Variants in KCNQ5 observed in about 807,000 individuals in gnomAD.
KCNQ5 encodes potassium voltage-gated channel subfamily KQT member 5.
A neutral mutation model predicts 98.2 loss-of-function variants in KCNQ5; 30 were observed. That is an observed-to-expected ratio of 0.31 (90% CI 0.23 to 0.41). The LOEUF is 0.41. KCNQ5 is among the 10% of genes least tolerant of loss of function. The probability of loss-of-function intolerance (pLI) is 1.00; values close to 1 mark genes in which losing one functional copy is unlikely to be tolerated. For synonymous variants in KCNQ5, 458 were observed against 449.4 expected, an observed-to-expected ratio of 1.02 and a Z score of -0.24; for missense variants, 835 against 1,182.5, an observed-to-expected ratio of 0.71 and a Z score of 4.31.
chr6:73,103,038 A>T (rs958088862), intron 5 of KCNQ5, among the ~76,000 whole-genome samples: 4 of 152,196 alleles, frequency 2.6e-5, no homozygotes, highest in African/African-American at 7.2e-5. Flanking sequence ...AATGGCCAAG[A>T]TTTGGAAGTA....
At chr6:73,007,257 C>G (rs1227453303) in intron 2 of KCNQ5, among the ~76,000 whole-genome samples, 1 of 152,126 alleles carries the variant, frequency 6.6e-6, no homozygotes, top group African/African-American at 2.4e-5. Context: ...AACCAGGTTC[C>G]TTATTTCTCT....
chr6:73,101,739 G>C (rs1176514103), intron 5 of KCNQ5, among the ~76,000 whole-genome samples: 2 of 152,038 alleles, frequency 1.3e-5, no homozygotes, highest in Admixed American at 6.6e-5. Context: ...ACTGATGAAA[G>C]ATATTAAAGA....
chr6:73,108,062 T>C (rs1370049384), intron 6 of KCNQ5, among the ~76,000 whole-genome samples: 5 of 152,156 alleles, frequency 3.3e-5, no homozygotes, highest in Non-Finnish European at 7.3e-5. Context: ...CTATGTAGGG[T>C]TCCTCCCACC....
chr6:72,794,462 C>G (rs1400522612), intron 1 of KCNQ5, among the ~76,000 whole-genome samples: 1 of 151,922 alleles, frequency 6.6e-6, no homozygotes. Context: ...ACTAATACTT[C>G]TTTGTTGGCT....
chr6:72,819,082 G>C (rs1351930516), intron 1 of KCNQ5, among the ~76,000 whole-genome samples: 1 of 151,818 alleles, frequency 6.6e-6, no homozygotes, highest in Non-Finnish European at 1.5e-5. Context: ...ACTAGATGTA[G>C]GGAATTAATG....
intron 7 of KCNQ5, among the ~76,000 whole-genome samples, chr6:73,112,409 G>C (rs1273983733): frequency 1.3e-5 from 2 of 151,202 alleles, no homozygotes; most frequent in Non-Finnish European, 2.9e-5. Flanking sequence ...GCAGTGGTGC[G>C]ATCTCGGCTC....
chr6:72,763,749 A>G (rs1481350882), intron 1 of KCNQ5, among the ~76,000 whole-genome samples: 1 of 152,046 alleles, frequency 6.6e-6, no homozygotes, highest in Non-Finnish European at 1.5e-5. Flanking sequence ...AAGCCTAAAG[A>G]GGAAGACACA....
chr6:73,189,995 CA>C (rs56943530), intron 11 of KCNQ5, among the ~76,000 whole-genome samples: 10,723 of 113,084 alleles, frequency 0.095, 468 homozygotes, highest in African/African-American at 0.16. Flanking sequence ...GACCTCATCT[CA>C]AAAAAAAAAA....
intron 1 of KCNQ5, among the ~76,000 whole-genome samples, chr6:72,776,015 T>G (rs924641257): frequency 6.6e-6 from 1 of 152,222 alleles, no homozygotes; most frequent in African/African-American, 2.4e-5. Flanking sequence ...TCATTAATTA[T>G]GACACAGGTA....
intron 6 of KCNQ5, among the ~76,000 whole-genome samples, chr6:73,107,043 T>G (rs927485830): frequency 1.3e-5 from 2 of 152,142 alleles, no homozygotes; most frequent in Non-Finnish European, 2.9e-5. Context: ...AGAGAAGAGA[T>G]TCACTCAATA....
intron 1 of KCNQ5, among the ~76,000 whole-genome samples, chr6:72,922,810 C>CTTTTTTTTTTTTT (rs369263359): frequency 1.4e-4 from 15 of 103,818 alleles, no homozygotes; most frequent in Non-Finnish European, 1.9e-4. Flanking sequence ...TTTTCTTTTT[C>CTTTTTTTTTTTTT]TTTTTTTTTT....
intron 1 of KCNQ5, among the ~76,000 whole-genome samples, chr6:72,665,341 C>CAAAA (rs57257881): frequency 2.4e-4 from 27 of 112,956 alleles, no homozygotes; most frequent in Non-Finnish European, 2.4e-4. Flanking sequence ...AATACCCTGT[C>CAAAA]AAAAAAAAAA....
intron 1 of KCNQ5, among the ~76,000 whole-genome samples, chr6:72,841,726 C>A (rs563621164): frequency 6.6e-6 from 1 of 151,946 alleles, no homozygotes. Context: ...TGAAAATGTT[C>A]TTTCTCTCAT....
At chr6:72,893,120 A>G (rs892913806) in intron 1 of KCNQ5, among the ~76,000 whole-genome samples, 7 of 152,338 alleles carry the variant, frequency 4.6e-5, no homozygotes, top group African/African-American at 1.2e-4. Flanking sequence ...TGCTGCCAGC[A>G]GAAGAGTAGG....
rs149821069 is a variant in KCNQ5 at position 73,123,309 on chromosome 6, G to A, written c.1221-1177G>A. Among the ~76,000 whole-genome samples the A allele has an allele frequency of 1.3e-4, 20 of 152,046 alleles. No individual in the cohort carries two copies. In the East Asian group the frequency reaches 1.9e-3, roughly 15 times the overall value. ...TATAATTTCAAATAGGTGGCCAGGG[G>A]GAAGATCAATTTATCAACAATATCA... On this transcript the variant is annotated intron_variant, in intron 8 of 13. Transcript: ENST00000370398.
intron 10 of KCNQ5, among the ~76,000 whole-genome samples, chr6:73,167,391 C>A (rs773222981): frequency 1.1e-4 from 16 of 152,168 alleles, no homozygotes; most frequent in Non-Finnish European, 2.1e-4. Flanking sequence ...TCTGATACTG[C>A]GTAATGCAAT....
At chr6:72,846,957 G>A (rs1777048026) in intron 1 of KCNQ5, among the ~76,000 whole-genome samples, 1 of 152,000 alleles carries the variant, frequency 6.6e-6, no homozygotes, top group Admixed American at 6.6e-5. Context: ...CCCAAAACAG[G>A]CCTCATTCCT....
chr6:73,061,697 T>TATG (rs1250600812), intron 3 of KCNQ5, among the ~76,000 whole-genome samples: 1 of 152,222 alleles, frequency 6.6e-6, no homozygotes, highest in Non-Finnish European at 1.5e-5. Context: ...GCTCTTCATA[T>TATG]ATTTCCTTAA....
intron 1 of KCNQ5, among the ~76,000 whole-genome samples, chr6:72,799,798 T>C (rs1774540183): frequency 6.6e-6 from 1 of 152,170 alleles, no homozygotes; most frequent in Admixed American, 6.6e-5. Context: ...ATGCCATACC[T>C]TGGGCCAAGA....
Sources: allele counts gnomAD v4.1 joint callset (sites outside exome capture counted in the v4.1 genomes callset), GRCh38; gene constraint gnomAD v4.1.1; transcripts MANE v1.5; gene names NCBI Gene and HGNC (gene_info 2026-07-23, HGNC 2026-07-21).